Variants in LRRTM4 observed in about 807,000 individuals in gnomAD.
The protein encoded by LRRTM4 is leucine-rich repeat transmembrane neuronal protein 4.
LRRTM4 carries 25 observed loss-of-function variants against 47.6 expected under a neutral mutation model. The observed-to-expected ratio is 0.53, with a 90% CI of 0.38 to 0.73. The LOEUF (loss-of-function observed/expected upper bound fraction) is 0.73, where lower values mean the gene tolerates loss of function less well. Among genes scored for constraint, LRRTM4 ranks in the 30% least tolerant of loss-of-function variants. The probability of loss-of-function intolerance (pLI) is 0.00; values close to 1 mark genes in which losing one functional copy is unlikely to be tolerated. For missense variants in LRRTM4, 638 were observed against 713.4 expected (o/e 0.89, Z 1.20); for synonymous variants, 311 against 269.5 (o/e 1.15, Z -1.51).
At position 76,850,006 on chromosome 2, in the gene LRRTM4, C is replaced by T. The variant is rs1014218487; in HGVS notation, c.1552-101090G>A. Among the ~76,000 whole-genome samples, 3 of 151,936 alleles carry T rather than the reference C, an allele frequency of 2.0e-5. No individual in the cohort carries two copies. The East Asian group carries it at 5.8e-4, about 29-fold the overall frequency. On this transcript the variant is annotated intron_variant, in intron 3 of 3. Transcript: ENST00000409884. ...TACTGATGGTGGAGAGAAATATGTC[C>T]TCATGTGTATAAGTGGCTTATCATT...
intron 3 of LRRTM4, among the ~76,000 whole-genome samples, chr2:76,830,080 C>G (rs150721269): frequency 6.6e-6 from 1 of 151,844 alleles, no homozygotes; most frequent in Non-Finnish European, 1.5e-5. Context: ...TAAAATGAAC[C>G]TTCCCCAACA....
intron 3 of LRRTM4, among the ~76,000 whole-genome samples, chr2:77,012,740 C>A (rs1322509323): frequency 2.0e-5 from 3 of 152,122 alleles, no homozygotes; most frequent in Non-Finnish European, 2.9e-5. Flanking sequence ...AAAACTAGGC[C>A]TCTGGTGTTC....
intron 3 of LRRTM4, among the ~76,000 whole-genome samples, chr2:76,825,734 G>T (rs943360367): frequency 2.0e-5 from 3 of 151,544 alleles, no homozygotes; most frequent in Non-Finnish European, 4.4e-5. Flanking sequence ...ACCGAATGAG[G>T]TCACTTAGGG....
rs376550719 is a variant in LRRTM4, at chr2:77,274,311, T to C, written c.1551+244007A>G. Among the ~76,000 whole-genome samples, 24 of 152,284 alleles carry C rather than the reference T, an allele frequency of 1.6e-4. No homozygotes were observed. The South Asian group carries it at 4.3e-3, about 28-fold the overall frequency. On this transcript the variant is annotated intron_variant, in intron 3 of 3. Transcript: ENST00000409884. Reference sequence around the variant, plus strand: ...GGGTTTTAAATGTTCTTTCAGTGATTTTAAATGTAGCCTTGGCTTCCTGCT... The same window carrying C: ...GGGTTTTAAATGTTCTTTCAGTGATCTTAAATGTAGCCTTGGCTTCCTGCT...
chr2:76,844,987 G>C (rs1353587166), intron 3 of LRRTM4, among the ~76,000 whole-genome samples: 1 of 152,054 alleles, frequency 6.6e-6, no homozygotes, highest in Admixed American at 6.6e-5. Context: ...TTGCAAATAT[G>C]AATTCATTTT....
chr2:77,108,036 C>A (rs57953495), intron 3 of LRRTM4, among the ~76,000 whole-genome samples: 2,954 of 151,548 alleles, frequency 0.019, 150 homozygotes, highest in East Asian at 0.18. Context: ...ATTAAAAAAA[C>A]TGAATTTATT....
At chr2:77,049,157 T>TATATATATATACAC (rs1351971551) in intron 3 of LRRTM4, among the ~76,000 whole-genome samples, 6 of 106,350 alleles carry the variant, frequency 5.6e-5, no homozygotes, top group South Asian at 3.0e-4. Context: ...TATATATATA[T>TATATATATATACAC]ACACACACAC....
intron 3 of LRRTM4, among the ~76,000 whole-genome samples, chr2:77,439,449 A>AT (rs199536914): frequency 1.3e-5 from 2 of 152,072 alleles, no homozygotes; most frequent in African/African-American, 4.8e-5. Flanking sequence ...TGCTTGATTG[A>AT]TTTTTTTCTA....
chr2:77,521,788 T>C lies in LRRTM4; in HGVS notation c.-117A>G, dbSNP rs1573526115. Reference sequence around the variant, plus strand: ...GCGGCTGTCATTCACACCATTCTGATCCCGCATGTGAGCTAGTAGCCCCAT... The same window carrying C: ...GCGGCTGTCATTCACACCATTCTGACCCCGCATGTGAGCTAGTAGCCCCAT... On this transcript the variant is annotated 5_prime_UTR_variant, in exon 2 of 4. Transcript: ENST00000409884. 9.6e-7 allele frequency: 1 copy of C among 1,042,170 alleles called. No individual in the cohort carries two copies. The highest frequency in any genetic ancestry group is 1.4e-6 in the Non-Finnish European group (1 of 701,546). 64.6% of individuals were successfully genotyped at this position (1,042,170 alleles called of 1,614,324 possible).
At chr2:77,292,574 A>T (rs1474936461) in intron 3 of LRRTM4, among the ~76,000 whole-genome samples, 1 of 151,842 alleles carries the variant, frequency 6.6e-6, no homozygotes, top group Admixed American at 6.6e-5. Context: ...GGAAATCATC[A>T]TTCTCAGTAA....
At chr2:77,217,440 AATAT>A (rs34070418) in intron 3 of LRRTM4, among the ~76,000 whole-genome samples, 5,858 of 76,790 alleles carry the variant, frequency 0.076, 467 homozygotes, top group South Asian at 0.18. Context: ...CTCCAAATGA[AATAT>A]ATATATATAT....
chr2:76,877,048 T>G (rs908245858), intron 3 of LRRTM4, among the ~76,000 whole-genome samples: 14 of 152,102 alleles, frequency 9.2e-5, no homozygotes, highest in African/African-American at 3.4e-4. Context: ...TCTTTTCTCA[T>G]CTAGAATTTA....
At chr2:77,006,089 A>G (rs1310693035) in intron 3 of LRRTM4, among the ~76,000 whole-genome samples, 1 of 152,158 alleles carries the variant, frequency 6.6e-6, no homozygotes, top group East Asian at 1.9e-4. Context: ...CCAAAATGAT[A>G]TATATTTAAA....
At chr2:77,437,267 C>T (rs1675639064) in intron 3 of LRRTM4, among the ~76,000 whole-genome samples, 1 of 151,940 alleles carries the variant, frequency 6.6e-6, no homozygotes, top group African/African-American at 2.4e-5. Flanking sequence ...ATTAAACATA[C>T]CATTCTGAGC....
intron 3 of LRRTM4, among the ~76,000 whole-genome samples, chr2:77,227,398 C>T (rs1482250589): frequency 6.6e-6 from 1 of 151,874 alleles, no homozygotes; most frequent in East Asian, 1.9e-4. Flanking sequence ...GTAATCTCTA[C>T]AAAAATGACT....
At chr2:76,999,204 C>A (rs1029103508) in intron 3 of LRRTM4, among the ~76,000 whole-genome samples, 1 of 152,062 alleles carries the variant, frequency 6.6e-6, no homozygotes, top group African/African-American at 2.4e-5. Context: ...TTAACCCCAG[C>A]TGTAGGTACC....
chr2:76,949,125 A>G lies in LRRTM4; in HGVS notation c.1552-200209T>C, dbSNP rs557688583. Among the ~76,000 whole-genome samples the G allele has an allele frequency of 4.0e-3, 612 of 152,076 alleles. 4 individuals are homozygous for G. The highest frequency in any genetic ancestry group is 5.1e-3 in the Non-Finnish European group (343 of 67,876). On this transcript the variant is annotated intron_variant, in intron 3 of 3. Transcript: ENST00000409884. ...AGAGTGCTTTAGCTAATAAAAATAC[A>G]GAAACATCCAATCCTCTCTTGCTTA...
At chr2:77,129,602 T>G (rs1024538792) in intron 3 of LRRTM4, among the ~76,000 whole-genome samples, 1 of 152,304 alleles carries the variant, frequency 6.6e-6, no homozygotes, top group African/African-American at 2.4e-5. Context: ...TTTTCTAGTT[T>G]CATTAAGATA....
At chr2:76,994,629 C>A (rs1232136715) in intron 3 of LRRTM4, among the ~76,000 whole-genome samples, 2 of 151,790 alleles carry the variant, frequency 1.3e-5, no homozygotes, top group Non-Finnish European at 2.9e-5. Flanking sequence ...TTGACATAGT[C>A]TAACTATAAG....
Sources: gnomAD v4.1 joint callset for allele counts (sites outside exome capture counted in the v4.1 genomes callset) on GRCh38, gnomAD v4.1.1 for gene constraint, MANE v1.5 for transcripts, NCBI Gene and HGNC (gene_info 2026-07-23, HGNC 2026-07-21) for gene names.